The following NAALAD2 variants were observed in gnomAD, a reference collection of about 807,000 sequenced individuals.
NAALAD2 encodes N-acetylated alpha-linked acidic dipeptidase 2, also known as N-acetylated-alpha-linked acidic dipeptidase 2.
Under a neutral mutation model 95.6 loss-of-function variants are expected in NAALAD2, and 89 were observed. The ratio of observed to expected loss-of-function variants is 0.93; its 90% CI spans 0.78 to 1.11. NAALAD2 has a LOEUF of 1.11. NAALAD2 is among the 50% of genes least tolerant of loss of function. The pLI, the probability that NAALAD2 is intolerant of heterozygous loss-of-function variation, is 0.00. For synonymous variants in NAALAD2, 264 were observed against 294.4 expected (o/e 0.90, Z 1.06); for missense variants, 894 against 872.4 (o/e 1.02, Z -0.31).
intron 8 of NAALAD2, among the ~76,000 whole-genome samples, chr11:90,159,963 A>C (rs1283185125): frequency 6.6e-6 from 1 of 151,548 alleles, no homozygotes; most frequent in African/African-American, 2.4e-5. Context: ...TAAAAAAAAA[A>C]AAAAAAAAAA....
chr11:90,187,892 A>C (rs1857205445), intron 18 of NAALAD2, among the ~76,000 whole-genome samples: 1 of 152,238 alleles, frequency 6.6e-6, no homozygotes, highest in Admixed American at 6.5e-5. Flanking sequence ...TTACATATGT[A>C]TGTATTGTTA....
intron 4 of NAALAD2, among the ~76,000 whole-genome samples, chr11:90,149,482 TG>T (rs1290372081): frequency 6.6e-6 from 1 of 152,176 alleles, no homozygotes; most frequent in Admixed American, 6.5e-5. Context: ...TCACCCAGGC[TG>T]GAGTGCAGTG....
chr11:90,176,133 T>C lies in NAALAD2; in HGVS notation c.1593+71T>C, dbSNP rs1032204737. The C allele has an allele frequency of 5.0e-6, 6 of 1,211,368 alleles. No homozygotes were observed. In the African/African-American group the frequency reaches 9.0e-5, roughly 18 times the overall value. The allele number at this position is 1,211,368 out of a possible 1,614,324, so 75.0% of individuals were successfully genotyped here. ...CCTTTGGCGAAGAATGTCACTGAGT[T>C]GTTTGGCACCAGACACCTGGTGGAT... On this transcript the variant is annotated intron_variant, in intron 15 of 18. Coordinates refer to ENST00000534061, the MANE Select transcript of NAALAD2 (RefSeq NM_005467.4).
At chr11:90,138,490 A>G (rs899729535) in intron 2 of NAALAD2, among the ~76,000 whole-genome samples, 2 of 152,128 alleles carry the variant, frequency 1.3e-5, no homozygotes, top group African/African-American at 4.8e-5. Flanking sequence ...ATATCATAGA[A>G]AGGACCGTGT....
chr11:90,163,926 G>T (rs1952368086), intron 11 of NAALAD2: 1 of 456,454 alleles, frequency 2.2e-6, no homozygotes. Context: ...AGATATTTTT[G>T]ATGATAATTT....
At chr11:90,156,452 T>C (rs764147159) in intron 6 of NAALAD2, among the ~76,000 whole-genome samples, 1 of 152,196 alleles carries the variant, frequency 6.6e-6, no homozygotes, top group Non-Finnish European at 1.5e-5. Flanking sequence ...TTCTAGTTTC[T>C]GAAAGTGGAA....
chr11:90,179,941 T>C (rs555381653), intron 16 of NAALAD2, among the ~76,000 whole-genome samples: 1 of 152,282 alleles, frequency 6.6e-6, no homozygotes, highest in East Asian at 1.9e-4. Flanking sequence ...TTATAGCTTT[T>C]CTATTTCAAA....
chr11:90,176,085 A>T (rs200120573), intron 15 of NAALAD2, 23 bp downstream of exon 15: 241 of 1,559,378 alleles, frequency 1.5e-4, no homozygotes, highest in Middle Eastern at 5.0e-4. Context: ...ATCATTTTGA[A>T]TATATAACAT....
upstream of NAALAD2, chr11:90,132,119 A>T (rs533768400): frequency 2.0e-5 from 3 of 152,762 alleles, no homozygotes; most frequent in East Asian, 5.8e-4. Flanking sequence ...AAGTCCAAAG[A>T]CTTGTTGAGC....
chr11:90,191,753 C>A lies in NAALAD2; in HGVS notation c.*6C>A. 6.5e-7 allele frequency: 1 copy of A among 1,531,192 alleles called. No individual in the cohort carries two copies. Among genetic ancestry groups the A allele is most frequent in the South Asian group, 1.3e-5 (1 of 74,200 alleles). 94.9% of individuals were successfully genotyped at this position (1,531,192 alleles called of 1,614,324 possible). Reference sequence around the variant, plus strand: ...CTCTGAAAGAAGTATTATAGAAGGTCTCAAGTGGCTAGCCATTAAAGGTGT... The same window carrying A: ...CTCTGAAAGAAGTATTATAGAAGGTATCAAGTGGCTAGCCATTAAAGGTGT... On this transcript the variant is annotated 3_prime_UTR_variant, in exon 19 of 19. Coordinates refer to ENST00000534061, the MANE Select transcript of NAALAD2 (RefSeq NM_005467.4).
At chr11:90,147,553 T>C in intron 3 of NAALAD2, 37 bp downstream of exon 3, 1 of 1,547,208 alleles carries the variant, frequency 6.5e-7, no homozygotes, top group Non-Finnish European at 8.8e-7. Flanking sequence ...TATTTTGCAA[T>C]CCGACCGTTT....
At position 90,178,121 on chromosome 11, in the gene NAALAD2, A is replaced by G. The variant is rs776653879; in HGVS notation, c.1858+4A>G. 362 of 1,604,280 alleles carry G rather than the reference A, an allele frequency of 2.3e-4. 1 individual carries two copies. The highest frequency in any genetic ancestry group is 3.0e-4 in the Non-Finnish European group (354 of 1,176,656). On this transcript the variant is annotated splice_donor_region_variant and intron_variant, in intron 16 of 18. Coordinates refer to ENST00000534061, the MANE Select transcript of NAALAD2 (RefSeq NM_005467.4). ...ACAGACCATGGAGTATCATTTGGTA[A>G]GAAATAGTTGGGCAGATATTTTACA... is the stretch of plus-strand genomic sequence containing the variant.
chr11:90,191,419 T>C (rs1009350357), intron 18 of NAALAD2, 139 bp from the exon 19 acceptor site: 1 of 501,156 alleles, frequency 2.0e-6, no homozygotes, highest in Admixed American at 4.2e-5. Context: ...ATGATTCGCA[T>C]AAGTATCTCA....
At position 90,172,828 on chromosome 11, in the gene NAALAD2, T is replaced by TAAGAC. The variant is rs1030526004; in HGVS notation, c.1411-994_1411-993insGACAA. The stretch of plus-strand genomic sequence containing the variant: ...AGAAGTTAGAATAACCAACTCTGTC[T>TAAGAC]AAAGGCCAGAGAAAATACCAGATGT... On this transcript the variant is annotated intron_variant, in intron 13 of 18. Coordinates refer to ENST00000534061, the MANE Select transcript of NAALAD2 (RefSeq NM_005467.4). 9.9e-5 allele frequency among the ~76,000 whole-genome samples: 15 copies of TAAGAC among 152,208 alleles called. No homozygotes were observed. In the East Asian group the frequency reaches 1.7e-3, roughly 18 times the overall value.
intron 7 of NAALAD2, 127 bp from the exon 8 acceptor site, chr11:90,159,112 G>A (rs1952208468): frequency 2.7e-6 from 2 of 741,504 alleles, no homozygotes; most frequent in Admixed American, 2.5e-5. Flanking sequence ...CTTTTTGACA[G>A]TACCTGGCAC....
intron 6 of NAALAD2, among the ~76,000 whole-genome samples, chr11:90,153,053 C>T (rs925128566): frequency 6.6e-6 from 1 of 152,146 alleles, no homozygotes; most frequent in African/African-American, 2.4e-5. Flanking sequence ...CCCTAGGCAA[C>T]CATTCATCTT....
chr11:90,178,383 T>A (rs1193259298), intron 16 of NAALAD2, among the ~76,000 whole-genome samples: 2 of 152,122 alleles, frequency 1.3e-5, no homozygotes, highest in African/African-American at 2.4e-5. Context: ...TTAAAAACAT[T>A]TTTACTGGCT....
intron 3 of NAALAD2, among the ~76,000 whole-genome samples, chr11:90,148,727 A>G (rs1219279820): frequency 6.6e-6 from 1 of 152,152 alleles, no homozygotes; most frequent in Non-Finnish European, 1.5e-5. Context: ...CATAGTCAAA[A>G]AAAAGAGGAT....
intron 14 of NAALAD2, 22 bp from the exon 15 acceptor site, chr11:90,175,950 G>A (rs749853959): frequency 6.9e-7 from 1 of 1,448,858 alleles, no homozygotes; most frequent in Non-Finnish European, 9.7e-7. Context: ...GTGTGTGTGT[G>A]TGGATTGCAT....
Sources: gnomAD v4.1 joint callset for allele counts (sites outside exome capture counted in the v4.1 genomes callset) on GRCh38, gnomAD v4.1.1 for gene constraint, MANE v1.5 for transcripts, NCBI Gene and HGNC (gene_info 2026-07-23, HGNC 2026-07-21) for gene names.